The following TTC7A variants were observed in gnomAD, a reference collection of about 807,000 sequenced individuals.
TTC7A encodes the protein tetratricopeptide repeat protein 7A.
A neutral mutation model predicts 103.7 loss-of-function variants in TTC7A; 110 were observed. The observed-to-expected ratio is 1.06, with a 90% CI of 0.91 to 1.24. TTC7A has a LOEUF of 1.24. TTC7A is among the 50% of genes most tolerant of loss of function. TTC7A has a pLI of 0.00. For synonymous variants in TTC7A, 521 were observed against 467.9 expected, an observed-to-expected ratio of 1.11 and a Z score of -1.47; for missense variants, 1,340 against 1,116.3, an observed-to-expected ratio of 1.20 and a Z score of -2.86.
At chr2:47,026,367 G>A (rs905781982) in intron 14 of TTC7A, among the ~76,000 whole-genome samples, 1 of 152,298 alleles carries the variant, frequency 6.6e-6, no homozygotes, top group Admixed American at 6.5e-5. Flanking sequence ...TGTCCTCCTC[G>A]TATGCTCCTT....
At chr2:47,022,101 C>G (rs931129560) in intron 12 of TTC7A, 122 bp downstream of exon 12, 11 of 648,566 alleles carry the variant, frequency 1.7e-5, no homozygotes, top group Non-Finnish European at 3.0e-5. Flanking sequence ...ACACCATGCA[C>G]TCCTCTGGGA....
chr2:47,069,906 A>G (rs1052778369), intron 19 of TTC7A, among the ~76,000 whole-genome samples: 1 of 152,100 alleles, frequency 6.6e-6, no homozygotes, highest in African/African-American at 2.4e-5. Flanking sequence ...CTGGCTTCCC[A>G]GCTGGAAAGG....
chr2:47,059,744 A>T (rs1336227863), intron 18 of TTC7A, among the ~76,000 whole-genome samples: 1 of 152,154 alleles, frequency 6.6e-6, no homozygotes, highest in Admixed American at 6.5e-5. Context: ...TCCCCACGCG[A>T]GGTTCTGAAG....
At chr2:47,058,260 A>C (rs951000234) in intron 18 of TTC7A, among the ~76,000 whole-genome samples, 1 of 152,186 alleles carries the variant, frequency 6.6e-6, no homozygotes, top group African/African-American at 2.4e-5. Flanking sequence ...TCTGTGTTTA[A>C]TTCTCTGATC....
At chr2:46,966,403 T>A (rs1361575814) in intron 3 of TTC7A, among the ~76,000 whole-genome samples, 1 of 152,244 alleles carries the variant, frequency 6.6e-6, no homozygotes, top group Non-Finnish European at 1.5e-5. Context: ...CTTTTTTCCC[T>A]ATAGGATTAT....
upstream of TTC7A, among the ~76,000 whole-genome samples, chr2:46,939,326 G>T (rs1670137838): frequency 6.6e-6 from 1 of 152,052 alleles, no homozygotes; most frequent in East Asian, 1.9e-4. Context: ...AGGCCAAGGT[G>T]GGTTCTTGTT....
chr2:46,941,552 A>C lies in TTC7A; in HGVS notation c.11A>C (p.Lys4Thr). MAA[K>T]GAHGSYLKVE... ...AGCGCCCGCGAGAAGATGGCTGCGAAGGGCGCGCACGGCTCCTACCTGAAG... is the reference window on the plus strand; with the variant it reads ...AGCGCCCGCGAGAAGATGGCTGCGACGGGCGCGCACGGCTCCTACCTGAAG... Residue 4 changes from lysine to threonine, a missense_variant, in exon 1 of 20, where the codon AAG becomes ACG. Physicochemically the swap from Lys to Thr is moderately conservative, Grantham distance 78. Transcript: ENST00000319190. This position sits in a 1 kb window ranked among gnomAD's most constrained non-coding sequence, Gnocchi z 4.2. 2 of 1,554,580 alleles carry C rather than the reference A, an allele frequency of 1.3e-6. No individual in the cohort carries two copies. Among genetic ancestry groups the C allele is most frequent in the Non-Finnish European group, 1.7e-6 (2 of 1,149,534 alleles).
At chr2:47,070,118 C>G (rs1203617171) in intron 19 of TTC7A, among the ~76,000 whole-genome samples, 2 of 152,248 alleles carry the variant, frequency 1.3e-5, no homozygotes, top group East Asian at 1.9e-4. Context: ...GCTGCTCTGC[C>G]CTTGGAGGGC....
chr2:47,005,200 G>GA (rs976667859), intron 8 of TTC7A, among the ~76,000 whole-genome samples: 1 of 152,154 alleles, frequency 6.6e-6, no homozygotes, highest in African/African-American at 2.4e-5. Flanking sequence ...AAGGAGCCAG[G>GA]AGAGGGTCCG....
At chr2:46,976,506 TGC>T (rs1304957398) in intron 4 of TTC7A, among the ~76,000 whole-genome samples, 1 of 152,228 alleles carries the variant, frequency 6.6e-6, no homozygotes, top group African/African-American at 2.4e-5. Context: ...AGGAGACACT[TGC>T]ACCTCGCCTT....
At chr2:47,072,771 G>A (rs544591456) in intron 19 of TTC7A, among the ~76,000 whole-genome samples, 87 of 151,298 alleles carry the variant, frequency 5.8e-4, no homozygotes, top group African/African-American at 1.9e-3. Flanking sequence ...TCAGTGGGAC[G>A]GCATGAAGCA....
upstream of TTC7A, among the ~76,000 whole-genome samples, chr2:46,940,358 T>C (rs1670224370): frequency 6.6e-6 from 1 of 152,184 alleles, no homozygotes; most frequent in East Asian, 1.9e-4. The surrounding 1 kb of genome is among the most constrained non-coding windows in gnomAD (Gnocchi z 4.7). Context: ...CGGGTCTTGC[T>C]GTGGCTTCTC....
In TTC7A at chr2:46,994,394, C is replaced by T; in HGVS notation, c.881C>T (p.Ser294Phe). ...CACCTGGCGGGGGTCCTGCTGCACTCCCTGAGTGAGGAGTGCTACTGGAGC... is the reference window on the plus strand; with the variant it reads ...CACCTGGCGGGGGTCCTGCTGCACTTCCTGAGTGAGGAGTGCTACTGGAGC... ...AKHLAGVLLH[S>F]LSEECYWSPL... Residue 294 changes from serine to phenylalanine, a missense_variant, in exon 7 of 20, where the codon TCC becomes TTC. By Grantham distance (155) the Ser-to-Phe change is radical. Transcript: ENST00000319190. The T allele has an allele frequency of 5.6e-6, 9 of 1,613,966 alleles. No homozygotes were observed. Among genetic ancestry groups the T allele is most frequent in the Non-Finnish European group, 7.6e-6 (9 of 1,179,936 alleles).
chr2:47,029,607 G>A (rs1464532078), intron 15 of TTC7A, among the ~76,000 whole-genome samples: 2 of 152,234 alleles, frequency 1.3e-5, no homozygotes, highest in Non-Finnish European at 2.9e-5. Context: ...GGGTGCACAT[G>A]CTGCTCCTCA....
intron 14 of TTC7A, 99 bp downstream of exon 14, chr2:47,024,458 T>A: frequency 9.0e-7 from 1 of 1,110,716 alleles, no homozygotes; most frequent in Non-Finnish European, 1.3e-6. Flanking sequence ...CAAGTGACTT[T>A]GCCTCCCTGA....
At chr2:46,917,248 T>G in exon 2 of TTC7A, 1 of 699,576 alleles carries the variant, frequency 1.4e-6, no homozygotes, top group South Asian at 1.5e-5. Flanking sequence ...TCCCACCACC[T>G]CCGCCTCCCA....
At chr2:46,937,388 A>G (rs1403259828), upstream of TTC7A, among the ~76,000 whole-genome samples, 1 of 152,160 alleles carries the variant, frequency 6.6e-6, no homozygotes, top group African/African-American at 2.4e-5. The surrounding 1 kb of genome is among the most constrained non-coding windows in gnomAD (Gnocchi z 4.0). Flanking sequence ...CAGAATAGAA[A>G]AAAAAAATCT....
At chr2:46,993,352 C>T in intron 5 of TTC7A, 98 bp from the exon 6 acceptor site, 4 of 1,142,794 alleles carry the variant, frequency 3.5e-6, no homozygotes, top group Non-Finnish European at 5.3e-6. Flanking sequence ...AATAAAACTC[C>T]AGCAGTCAGC....
At chr2:46,946,561 C>T (rs1240928791) in intron 1 of TTC7A, among the ~76,000 whole-genome samples, 1 of 152,122 alleles carries the variant, frequency 6.6e-6, no homozygotes. Context: ...GTAGCTGGGA[C>T]TCTAGGCGTG....
Sources: allele counts gnomAD v4.1 joint callset (sites outside exome capture counted in the v4.1 genomes callset), GRCh38; gene constraint gnomAD v4.1.1; non-coding constraint Gnocchi (gnomAD v3.1); transcripts MANE v1.5; gene names NCBI Gene and HGNC (gene_info 2026-07-23, HGNC 2026-07-21).